MEIKIN: variants seen among roughly 807,000 people sequenced by gnomAD.
MEIKIN encodes meiotic kinetochore factor.
intron 9 of MEIKIN, among the ~76,000 whole-genome samples, chr5:131,855,967 T>C (rs768573256): frequency 3.3e-5 from 5 of 152,210 alleles, no homozygotes; most frequent in Non-Finnish European, 7.3e-5. Flanking sequence ...TTCTGATAAA[T>C]GTTCTTTTTG....
intron 11 of MEIKIN, among the ~76,000 whole-genome samples, chr5:131,850,650 C>T (rs1477223047): frequency 1.3e-5 from 2 of 152,058 alleles, no homozygotes; most frequent in Admixed American, 1.3e-4. Flanking sequence ...TGGACCCTTA[C>T]CTAATACTAT....
intron 8 of MEIKIN, among the ~76,000 whole-genome samples, chr5:131,908,078 AT>A (rs1239596737): frequency 7.2e-5 from 11 of 152,320 alleles, no homozygotes; most frequent in African/African-American, 2.6e-4. Context: ...TGACAAACTC[AT>A]TCAATGCTAT....
At chr5:131,886,670 T>C (rs937815281) in intron 8 of MEIKIN, among the ~76,000 whole-genome samples, 1 of 152,168 alleles carries the variant, frequency 6.6e-6, no homozygotes, top group African/African-American at 2.4e-5. Flanking sequence ...ATACTTCATT[T>C]ACAAAGAAAA....
chr5:131,872,872 C>A (rs1356061373), intron 9 of MEIKIN, among the ~76,000 whole-genome samples: 1 of 152,182 alleles, frequency 6.6e-6, no homozygotes, highest in Non-Finnish European at 1.5e-5. Context: ...GAATTTTCAA[C>A]CCAGCATTTC....
At chr5:131,874,327 C>T (rs914678881) in intron 9 of MEIKIN, among the ~76,000 whole-genome samples, 2 of 152,084 alleles carry the variant, frequency 1.3e-5, no homozygotes, top group Admixed American at 1.3e-4. Flanking sequence ...ACCACCGATC[C>T]CACAGAAATA....
intron 9 of MEIKIN, among the ~76,000 whole-genome samples, chr5:131,864,189 G>T (rs1750343067): frequency 6.6e-6 from 1 of 151,952 alleles, no homozygotes; most frequent in Non-Finnish European, 1.5e-5. Context: ...GTCATGCTTT[G>T]TTCCTGTTAT....
At chr5:131,893,075 A>T (rs1176026099) in intron 8 of MEIKIN, among the ~76,000 whole-genome samples, 3 of 152,202 alleles carry the variant, frequency 2.0e-5, no homozygotes, top group African/African-American at 7.2e-5. Flanking sequence ...TTCCTCTGGA[A>T]GTTTTATCTC....
intron 6 of MEIKIN, among the ~76,000 whole-genome samples, chr5:131,918,153 G>A (rs1206218141): frequency 6.6e-6 from 1 of 152,142 alleles, no homozygotes; most frequent in Non-Finnish European, 1.5e-5. Context: ...AGCAAAAGTT[G>A]CTCTAAGAAG....
intron 11 of MEIKIN, among the ~76,000 whole-genome samples, chr5:131,832,375 T>G (rs961942362): frequency 2.0e-5 from 3 of 152,182 alleles, no homozygotes; most frequent in Non-Finnish European, 4.4e-5. Flanking sequence ...AGGTGGGTTC[T>G]CATGGTCTTG....
intron 9 of MEIKIN, among the ~76,000 whole-genome samples, chr5:131,865,441 G>A (rs879743094): frequency 3.3e-5 from 5 of 152,178 alleles, no homozygotes; most frequent in East Asian, 1.9e-4. Context: ...GAATGGTCTC[G>A]ATCTCCTGAC....
At chr5:131,841,826 G>T (rs987486597) in intron 11 of MEIKIN, among the ~76,000 whole-genome samples, 1 of 152,056 alleles carries the variant, frequency 6.6e-6, no homozygotes, top group Non-Finnish European at 1.5e-5. Context: ...TGTTCCTAAG[G>T]ATATTATTTT....
intron 8 of MEIKIN, among the ~76,000 whole-genome samples, chr5:131,885,050 C>G (rs1049527825): frequency 2.6e-5 from 4 of 152,162 alleles, no homozygotes; most frequent in Non-Finnish European, 4.4e-5. Flanking sequence ...GGTTTTCACT[C>G]TAATTCCTGG....
chr5:131,897,062 T>TTAC (rs1287009966), intron 8 of MEIKIN, among the ~76,000 whole-genome samples: 2 of 152,228 alleles, frequency 1.3e-5, no homozygotes, highest in Admixed American at 1.3e-4. Flanking sequence ...TCAAGAGGTC[T>TTAC]TGTAAGGCAG....
At chr5:131,869,906 C>T (rs1750455900) in intron 9 of MEIKIN, among the ~76,000 whole-genome samples, 1 of 152,210 alleles carries the variant, frequency 6.6e-6, no homozygotes, top group Admixed American at 6.5e-5. Context: ...ATATTTGGTG[C>T]AGCAGTTTTC....
At chr5:131,825,179 GAC>G in intron 11 of MEIKIN, among the ~76,000 whole-genome samples, 1 of 152,208 alleles carries the variant, frequency 6.6e-6, no homozygotes, top group East Asian at 1.9e-4. Context: ...CAGCCTGGGT[GAC>G]AGAGTGAGAC....
chr5:131,870,584 T>A (rs1035941985), intron 9 of MEIKIN, among the ~76,000 whole-genome samples: 3 of 152,196 alleles, frequency 2.0e-5, no homozygotes, highest in Non-Finnish European at 2.9e-5. Context: ...AACATTTCCA[T>A]CTTCATGCAT....
intron 11 of MEIKIN, among the ~76,000 whole-genome samples, chr5:131,820,962 G>C (rs987876631): frequency 2.0e-5 from 3 of 151,858 alleles, no homozygotes; most frequent in Non-Finnish European, 4.4e-5. Context: ...CCAACTTTTT[G>C]TTTTGTTGAT....
At chr5:131,837,260 T>C (rs757985207) in intron 11 of MEIKIN, among the ~76,000 whole-genome samples, 9 of 152,232 alleles carry the variant, frequency 5.9e-5, no homozygotes, top group Non-Finnish European at 1.2e-4. Flanking sequence ...TTGGTCACTA[T>C]AGTCCTGTAG....
chr5:131,881,228 G>A (rs1290223720), intron 8 of MEIKIN, among the ~76,000 whole-genome samples: 1 of 152,184 alleles, frequency 6.6e-6, no homozygotes, highest in Non-Finnish European at 1.5e-5. Context: ...GTAGGACCAG[G>A]TTAGGTCTTG....
Sources: allele counts gnomAD v4.1 joint callset (sites outside exome capture counted in the v4.1 genomes callset), GRCh38; gene constraint gnomAD v4.1.1; transcripts MANE v1.5; gene names NCBI Gene and HGNC (gene_info 2026-07-23, HGNC 2026-07-21).